FAM53A: variants seen among roughly 807,000 people sequenced by gnomAD.
The protein encoded by FAM53A is family with sequence similarity 53 member A, also known as protein FAM53A.
Under a neutral mutation model 26.6 loss-of-function variants are expected in FAM53A, and 28 were observed. The ratio of observed to expected loss-of-function variants is 1.05; its 90% confidence interval spans 0.78 to 1.45. FAM53A has a LOEUF of 1.45. Ranked by LOEUF, FAM53A falls within the 40% of genes most tolerant of loss-of-function variation. FAM53A has a pLI of 0.00. For synonymous variants in FAM53A, 290 were observed against 253.1 expected, an observed-to-expected ratio of 1.15 and a Z score of -1.38; for missense variants, 650 against 575.8, an observed-to-expected ratio of 1.13 and a Z score of -1.32.
intron 3 of FAM53A, 61 bp downstream of exon 3, chr4:1,657,347 A>G: frequency 6.7e-7 from 1 of 1,496,406 alleles, no homozygotes; most frequent in Non-Finnish European, 9.2e-7. Context: ...GGACCCTCCC[A>G]GCCCAGGAGC....
At position 1,640,390 on chromosome 4, in the gene FAM53A, T is replaced by G; in HGVS notation, c.*903A>C. 15 of 234,714 alleles carry G rather than the reference T, an allele frequency of 6.4e-5. No individual in the cohort carries two copies. The highest frequency in any genetic ancestry group is 9.1e-5 in the Non-Finnish European group (11 of 120,976). The allele number at this position is 234,714 out of a possible 1,614,324, so 14.5% of individuals were successfully genotyped here. A position where few individuals can be genotyped will look rare whatever the true frequency, so the allele number is the denominator to read the frequency against. ...GGACTCTGACCACCAACGCCCGGGG[T>G]TTCCTAGCAACTAAAGCACACAAGG... On this transcript the variant is annotated 3_prime_UTR_variant, in exon 5 of 5. Coordinates refer to ENST00000308132, the MANE Select transcript of FAM53A (RefSeq NM_001174070.3).
At chr4:1,607,112 G>A in the FAM53A span, among the ~76,000 whole-genome samples, 6 of 152,154 alleles carry the variant, frequency 3.9e-5, no homozygotes, top group East Asian at 1.9e-4. Context: ...TCTGCTCCCC[G>A]TGTTCAGGCG....
At chr4:1,636,601 A>C (rs1158017156), downstream of FAM53A, among the ~76,000 whole-genome samples, 4 of 152,152 alleles carry the variant, frequency 2.6e-5, no homozygotes, top group Non-Finnish European at 5.9e-5. Context: ...CAGGGCCTTC[A>C]CACTGGCTGT....
chr4:1,648,132 C>T (rs1712409513), intron 4 of FAM53A, among the ~76,000 whole-genome samples: 1 of 152,120 alleles, frequency 6.6e-6, no homozygotes, highest in Non-Finnish European at 1.5e-5. Flanking sequence ...TCACCTGGGT[C>T]CAGGAGATGG....
upstream of FAM53A, among the ~76,000 whole-genome samples, chr4:1,684,745 CCTGCCGT>C (rs951547716): frequency 4.3e-4 from 66 of 152,288 alleles, 1 homozygote; most frequent in African/African-American, 1.5e-3. Context: ...CGCCTTCCCG[CCTGCCGT>C]CTGCCCGCTG....
chr4:1,674,092 C>G (rs759368977), intron 1 of FAM53A, among the ~76,000 whole-genome samples: 2 of 152,248 alleles, frequency 1.3e-5, no homozygotes, highest in African/African-American at 2.4e-5. Flanking sequence ...TTTACTCTCA[C>G]AGTTCTGGAG....
At chr4:1,624,569 C>G (rs577890133) in intron 1 of FAM53A, among the ~76,000 whole-genome samples, 17 of 152,194 alleles carry the variant, frequency 1.1e-4, no homozygotes, top group African/African-American at 4.1e-4. Context: ...GATTCCCACT[C>G]AGCCCCTCTG....
intron 1 of FAM53A, among the ~76,000 whole-genome samples, chr4:1,619,661 C>T (rs1477320426): frequency 3.3e-5 from 5 of 152,164 alleles, no homozygotes; most frequent in Non-Finnish European, 7.3e-5. Context: ...CTCTGACTCA[C>T]GCACCGGGCA....
chr4:1,682,742 G>T (rs1181405272), intron 1 of FAM53A, among the ~76,000 whole-genome samples: 1 of 150,814 alleles, frequency 6.6e-6, no homozygotes, highest in Non-Finnish European at 1.5e-5. Context: ...AACTAGAAAG[G>T]CCTCACTATA....
At chr4:1,665,925 A>G (rs1449865706) in intron 2 of FAM53A, among the ~76,000 whole-genome samples, 7 of 150,994 alleles carry the variant, frequency 4.6e-5, no homozygotes, top group Admixed American at 1.3e-4. Context: ...CTGCACCTGC[A>G]CCCCCTGTAT....
intron 4 of FAM53A, among the ~76,000 whole-genome samples, chr4:1,646,573 A>C (rs1434725037): frequency 6.6e-6 from 1 of 152,214 alleles, no homozygotes; most frequent in African/African-American, 2.4e-5. Flanking sequence ...CAGCAGGTGC[A>C]GCAGAGGCCC....
At chr4:1,627,108 C>A (rs1715342239) in intron 1 of FAM53A, among the ~76,000 whole-genome samples, 1 of 152,180 alleles carries the variant, frequency 6.6e-6, no homozygotes, top group African/African-American at 2.4e-5. Flanking sequence ...CTCCGGTGCC[C>A]CCAGGTCGGC....
chr4:1,615,007 A>C (rs952340808), downstream of FAM53A, among the ~76,000 whole-genome samples: 2 of 152,234 alleles, frequency 1.3e-5, no homozygotes, highest in African/African-American at 4.8e-5. Context: ...ACCACAAAAA[A>C]GGACATTTAC....
chr4:1,581,744 G>A, the FAM53A span, among the ~76,000 whole-genome samples: 1 of 152,146 alleles, frequency 6.6e-6, no homozygotes, highest in Non-Finnish European at 1.5e-5. Context: ...ACAGGCACCC[G>A]CCACCATACC....
Position 1,657,496 on chromosome 4 carries a change from G to A in FAM53A, c.76-28C>T, listed in dbSNP as rs377200630. The A allele has an allele frequency of 3.6e-4, 582 of 1,603,414 alleles. 3 individuals carry two copies. Among genetic ancestry groups the A allele is most frequent in the South Asian group, 1.5e-3 (132 of 90,256 alleles). ...GACAGGAAAGAGAAGTTTCAATACT[G>A]TGACTGACACGTGAGAATTCGGCAA... On this transcript the variant is annotated intron_variant, in intron 2 of 4. Transcript: ENST00000308132.
chr4:1,636,505 C>T (rs115190225), downstream of FAM53A, among the ~76,000 whole-genome samples: 131 of 152,362 alleles, frequency 8.6e-4, no homozygotes, highest in African/African-American at 2.9e-3. Context: ...TCCGTCCTCG[C>T]GCTTCAAGCT....
At chr4:1,618,155 G>A (rs1560103324) in intron 1 of FAM53A, 1 of 456,292 alleles carries the variant, frequency 2.2e-6, no homozygotes, top group Non-Finnish European at 4.4e-6. Context: ...TCTTGGGGAA[G>A]AAGTAGAACC....
rs1420054075 is a variant in FAM53A, at chr4:1,625,060, G to A, written c.432-6949C>T. Among the ~76,000 whole-genome samples the A allele has an allele frequency of 9.1e-5, 12 of 132,262 alleles. 1 individual carries two copies. The highest frequency in any genetic ancestry group is 3.7e-4 in the Admixed American group (5 of 13,414). 86.8% of individuals were successfully genotyped at this position (132,262 alleles called of 152,430 possible). A position where few individuals can be genotyped will look rare whatever the true frequency, so the allele number is the denominator to read the frequency against. On this transcript the variant is annotated intron_variant, in intron 1 of 1. Coordinates refer to the FAM53A transcript ENST00000489029. ...ACGCCAGGTGATCAGAAGGCCCCAC[G>A]TCCCGGCCCACGTGGTCAGGGTCAC...
chr4:1,588,820 T>C, the FAM53A span, among the ~76,000 whole-genome samples: 2 of 152,246 alleles, frequency 1.3e-5, no homozygotes, highest in Admixed American at 1.3e-4. Flanking sequence ...TATGCATAAA[T>C]GGACAATGAT....
Sources: allele counts gnomAD v4.1 joint callset (sites outside exome capture counted in the v4.1 genomes callset), GRCh38; gene constraint gnomAD v4.1.1; transcripts MANE v1.5; gene names NCBI Gene and HGNC (gene_info 2026-07-23, HGNC 2026-07-21).